Variants in PCSK6 observed in about 807,000 individuals in gnomAD.
PCSK6 encodes paired basic amino acid cleaving enzyme 4.
A neutral mutation model predicts 123.3 loss-of-function variants in PCSK6; 85 were observed. The observed-to-expected ratio is 0.69, with a 90% CI of 0.58 to 0.83. The LOEUF is 0.83. Among genes scored for constraint, PCSK6 ranks in the 40% least tolerant of loss-of-function variants. PCSK6 has a pLI of 0.00. For missense variants in PCSK6, 1,191 were observed against 1,282.3 expected (o/e 0.93, Z 1.09); for synonymous variants, 508 against 516.0 (o/e 0.98, Z 0.21).
intron 8 of PCSK6, among the ~76,000 whole-genome samples, chr15:101,391,635 C>T (rs1159530466): frequency 6.6e-6 from 1 of 152,234 alleles, no homozygotes; most frequent in Non-Finnish European, 1.5e-5. Flanking sequence ...ATTCCTCAGA[C>T]TCAGAGGGAC....
intron 11 of PCSK6, among the ~76,000 whole-genome samples, chr15:101,376,969 G>T (rs1370065487): frequency 6.6e-6 from 1 of 152,230 alleles, no homozygotes; most frequent in Non-Finnish European, 1.5e-5. Flanking sequence ...GGCTGGGTAA[G>T]GTGAGGAGGG....
Position 101,398,702 on chromosome 15 carries a change from C to A in PCSK6, c.824-126G>T. The A allele has an allele frequency of 9.7e-7, 1 of 1,033,240 alleles. No homozygotes were observed. The highest frequency in any genetic ancestry group is 1.4e-6 in the Non-Finnish European group (1 of 732,634). 64.0% of individuals were successfully genotyped at this position (1,033,240 alleles called of 1,614,324 possible). A position where few individuals can be genotyped will look rare whatever the true frequency, so the allele number is the denominator to read the frequency against. ...AGTCCCTCCCCAGCAGGGGCTGTTC[C>A]CAGTCATTCTGCAAAACTGGCTCCT... On this transcript the variant is annotated intron_variant, in intron 6 of 21. Transcript: ENST00000611716. The surrounding 1 kb of genome is among the most constrained non-coding windows in gnomAD (Gnocchi z 4.6).
chr15:101,424,860 A>C (rs2056201388), intron 6 of PCSK6, among the ~76,000 whole-genome samples: 1 of 152,246 alleles, frequency 6.6e-6, no homozygotes, highest in East Asian at 1.9e-4. Context: ...GATATTTTTT[A>C]ATTAACGCAT....
chr15:101,343,817 G>A (rs554746984), intron 13 of PCSK6, among the ~76,000 whole-genome samples: 57 of 152,262 alleles, frequency 3.7e-4, no homozygotes, highest in Non-Finnish European at 4.3e-4. Context: ...TTGGCCGGGC[G>A]CGGTGGCTCA....
chr15:101,355,011 C>A lies in PCSK6; in HGVS notation c.1858+11185G>T, dbSNP rs115748602. Among the ~76,000 whole-genome samples, 1,305 of 152,350 alleles carry A rather than the reference C, an allele frequency of 8.6e-3. 29 individuals are homozygous for A. Among genetic ancestry groups the A allele is most frequent in the African/African-American group, 0.03 (1,243 of 41,572 alleles). ...TGCTGGAGAACACGTAGGTGCTAAT[C>A]ATCATCCTATTCCTCTCTCGTTCTT... On this transcript the variant is annotated intron_variant, in intron 13 of 21. Coordinates refer to ENST00000611716, the MANE Select transcript of PCSK6 (RefSeq NM_002570.5).
At chr15:101,307,430 A>C in intron 20 of PCSK6, 105 bp from the exon 21 acceptor site, 1 of 756,308 alleles carries the variant, frequency 1.3e-6, no homozygotes, top group Non-Finnish European at 2.2e-6. Flanking sequence ...CCACCCCCTC[A>C]GCCTCGGTCC....
intron 10 of PCSK6, among the ~76,000 whole-genome samples, chr15:101,383,712 G>C (rs1262675863): frequency 6.6e-6 from 1 of 152,178 alleles, no homozygotes; most frequent in Non-Finnish European, 1.5e-5. Context: ...AAATCACAGA[G>C]CTACTCAGGG....
At chr15:101,429,503 C>CAT (rs1463240992) in intron 5 of PCSK6, among the ~76,000 whole-genome samples, 6 of 152,148 alleles carry the variant, frequency 3.9e-5, no homozygotes, top group Non-Finnish European at 7.4e-5. Flanking sequence ...GCTCACCCGG[C>CAT]ATGCACGCAG....
At chr15:101,449,431 T>C (rs867079542) in intron 1 of PCSK6, among the ~76,000 whole-genome samples, 1 of 152,186 alleles carries the variant, frequency 6.6e-6, no homozygotes, top group East Asian at 1.9e-4. Context: ...TATCTGTGCA[T>C]ATACACGTGT....
intron 13 of PCSK6, among the ~76,000 whole-genome samples, chr15:101,349,965 G>A (rs958848188): frequency 6.6e-6 from 1 of 152,058 alleles, no homozygotes; most frequent in East Asian, 1.9e-4. Context: ...CTGGAGTGCA[G>A]TGGCACAATC....
At chr15:101,336,600 A>G (rs1196669242) in intron 13 of PCSK6, among the ~76,000 whole-genome samples, 3 of 152,260 alleles carry the variant, frequency 2.0e-5, no homozygotes, top group Non-Finnish European at 2.9e-5. Context: ...ATTTGATAAA[A>G]TTAAAAGCAA....
chr15:101,327,141 TC>T (rs1351115730), intron 15 of PCSK6, among the ~76,000 whole-genome samples: 1 of 152,160 alleles, frequency 6.6e-6, no homozygotes, highest in Non-Finnish European at 1.5e-5. Flanking sequence ...TTTCAGAACA[TC>T]CCCTTTAGGC....
chr15:101,476,516 G>C (rs1596378460), intron 1 of PCSK6, among the ~76,000 whole-genome samples: 1 of 136,262 alleles, frequency 7.3e-6, no homozygotes, highest in East Asian at 2.2e-4. Flanking sequence ...AGAAAACCTA[G>C]GTAGGTCCAA....
rs538655617 is a variant in PCSK6, at chr15:101,372,243, G to A, written c.1533-1720C>T. Among the ~76,000 whole-genome samples the A allele has an allele frequency of 8.5e-5, 13 of 152,242 alleles. No homozygotes were observed. The South Asian group carries it at 1.5e-3, about 17-fold the overall frequency. On this transcript the variant is annotated intron_variant, in intron 11 of 21. Transcript: ENST00000611716. ...ATTAATAACTCCCCACCACACGACC[G>A]GTGCTTGGCTTATTACGGGGAGCGC...
chr15:101,393,923 A>C (rs10400863), intron 7 of PCSK6, among the ~76,000 whole-genome samples: 130,989 of 152,156 alleles, frequency 0.86, 56,600 homozygotes, highest in African/African-American at 0.91. Flanking sequence ...TCTTGCAGAG[A>C]GAGCTAAATT....
chr15:101,354,791 C>T (rs1353109539), intron 13 of PCSK6, among the ~76,000 whole-genome samples: 1 of 152,248 alleles, frequency 6.6e-6, no homozygotes, highest in Non-Finnish European at 1.5e-5. Flanking sequence ...TCTTCCTACT[C>T]TCCCACTCCT....
chr15:101,385,573 T>C (rs2042036399), intron 9 of PCSK6, among the ~76,000 whole-genome samples: 1 of 152,238 alleles, frequency 6.6e-6, no homozygotes, highest in South Asian at 2.1e-4. Flanking sequence ...CTGTGGTACA[T>C]AAAAAGGTGC....
At chr15:101,391,671 G>C (rs1331173363) in intron 8 of PCSK6, among the ~76,000 whole-genome samples, 2 of 152,228 alleles carry the variant, frequency 1.3e-5, no homozygotes, top group African/African-American at 4.8e-5. Context: ...ACAGGGTTGT[G>C]ATCGCCATCA....
chr15:101,359,043 G>A (rs1035576119), intron 13 of PCSK6, among the ~76,000 whole-genome samples: 13 of 152,168 alleles, frequency 8.5e-5, no homozygotes, highest in Non-Finnish European at 1.5e-4. Flanking sequence ...GAAGGCGCCC[G>A]TCCTCCCCAC....
Sources: allele counts gnomAD v4.1 joint callset (sites outside exome capture counted in the v4.1 genomes callset), GRCh38; gene constraint gnomAD v4.1.1; non-coding constraint Gnocchi (gnomAD v3.1); transcripts MANE v1.5; gene names NCBI Gene and HGNC (gene_info 2026-07-23, HGNC 2026-07-21).